The following FAM107B variants were observed in gnomAD, a reference collection of about 807,000 sequenced individuals.
FAM107B encodes the protein protein FAM107B.
Under a neutral mutation model 31.5 loss-of-function variants are expected in FAM107B, and 21 were observed. The ratio of observed to expected loss-of-function variants is 0.67; its 90% CI spans 0.47 to 0.96. The LOEUF is 0.96. Among genes scored for constraint, FAM107B ranks in the 40% least tolerant of loss-of-function variants. FAM107B has a pLI of 0.00. For missense variants in FAM107B, 452 were observed against 377.1 expected (o/e 1.20, Z -1.64); for synonymous variants, 157 against 141.5 (o/e 1.11, Z -0.78).
chr10:14,746,032 C>T (rs140193427), intron 1 of FAM107B, among the ~76,000 whole-genome samples: 1 of 151,976 alleles, frequency 6.6e-6, no homozygotes, highest in East Asian at 1.9e-4. Flanking sequence ...TTGAGTTGAT[C>T]CCTTTACCAC....
rs980342871 is a variant in FAM107B, at chr10:14,663,756, A to C, written c.469+3878T>G. On this transcript the variant is annotated intron_variant, in intron 2 of 4. Coordinates refer to ENST00000181796, the MANE Select transcript of FAM107B (RefSeq NM_031453.4). ...CAATTATCTGAGGGCAGAAGACAGT[A>C]ACAATGGTGGTAAGGACAGAGCACA... 4.1e-4 allele frequency among the ~76,000 whole-genome samples: 62 copies of C among 152,110 alleles called. 1 individual carries two copies. Among genetic ancestry groups the C allele is most frequent in the African/African-American group, 1.4e-3 (59 of 41,400 alleles).
chr10:14,619,049 T>C (rs1303452080), intron 2 of FAM107B, among the ~76,000 whole-genome samples: 1 of 151,966 alleles, frequency 6.6e-6, no homozygotes, highest in Non-Finnish European at 1.5e-5. Context: ...GTACCAGAGG[T>C]TAGAAGACAT....
intron 2 of FAM107B, among the ~76,000 whole-genome samples, chr10:14,570,145 T>C (rs772776323): frequency 8.5e-5 from 13 of 152,230 alleles, no homozygotes; most frequent in South Asian, 2.1e-4. Flanking sequence ...TACAAGGTAA[T>C]TGAGTGTCCT....
intron 2 of FAM107B, among the ~76,000 whole-genome samples, chr10:14,633,194 C>CAA (rs60159128): frequency 2.8e-4 from 35 of 123,744 alleles, no homozygotes; most frequent in African/African-American, 4.8e-4. Flanking sequence ...GACTCTGTCT[C>CAA]AAAAAAAAAA....
chr10:14,696,581 A>T (rs1855271184), intron 1 of FAM107B, among the ~76,000 whole-genome samples: 1 of 152,062 alleles, frequency 6.6e-6, no homozygotes, highest in African/African-American at 2.4e-5. Context: ...TATTGGTATA[A>T]ATTCTTCCTT....
intron 2 of FAM107B, among the ~76,000 whole-genome samples, chr10:14,644,118 T>C (rs1009468343): frequency 2.0e-5 from 3 of 152,208 alleles, no homozygotes; most frequent in African/African-American, 4.8e-5. Context: ...ACTCTGTACA[T>C]AATCCTGTTA....
chr10:14,720,992 C>T (rs1009526962), intron 1 of FAM107B, among the ~76,000 whole-genome samples: 3 of 152,144 alleles, frequency 2.0e-5, no homozygotes, highest in Non-Finnish European at 4.4e-5. Flanking sequence ...TATCCCTCCC[C>T]CAGGCCCCCA....
chr10:14,680,591 G>T (rs895055458), intron 1 of FAM107B, among the ~76,000 whole-genome samples: 1 of 129,692 alleles, frequency 7.7e-6, no homozygotes, highest in South Asian at 2.5e-4. Flanking sequence ...AAAAAAAAAT[G>T]CACAGAGGGA....
At chr10:14,551,482 T>A (rs995853656) in intron 2 of FAM107B, among the ~76,000 whole-genome samples, 1 of 152,158 alleles carries the variant, frequency 6.6e-6, no homozygotes, top group Non-Finnish European at 1.5e-5. Flanking sequence ...AAGATTCCAA[T>A]TATTTGTGAG....
chr10:14,583,012 G>A (rs1017767391), intron 2 of FAM107B, among the ~76,000 whole-genome samples: 9 of 151,504 alleles, frequency 5.9e-5, no homozygotes, highest in Admixed American at 5.3e-4. Flanking sequence ...CTTGAACCCA[G>A]CGGGGTGGAG....
Position 14,582,916 on chromosome 10 carries a change from T to C in FAM107B, c.470-52401A>G, listed in dbSNP as rs528620096. Reference sequence around the variant, plus strand: ...GCCTGGCCAACATGGCAAAACCCCATCTCTACTAAAAATACAAAAATTAGC... The same window carrying C: ...GCCTGGCCAACATGGCAAAACCCCACCTCTACTAAAAATACAAAAATTAGC... On this transcript the variant is annotated intron_variant, in intron 2 of 4. Coordinates refer to ENST00000181796, the MANE Select transcript of FAM107B (RefSeq NM_031453.4). Among the ~76,000 whole-genome samples the C allele has an allele frequency of 1.3e-4, 19 of 151,790 alleles. No homozygotes were observed. In the South Asian group the frequency reaches 3.7e-3, roughly 30 times the overall value.
intron 2 of FAM107B, among the ~76,000 whole-genome samples, chr10:14,607,919 G>T (rs758136074): frequency 3.3e-5 from 5 of 152,036 alleles, no homozygotes; most frequent in African/African-American, 1.2e-4. Context: ...CAACCTACAG[G>T]GTCACCCATA....
chr10:14,555,553 G>A (rs10906696), intron 2 of FAM107B, among the ~76,000 whole-genome samples: 1 of 152,062 alleles, frequency 6.6e-6, no homozygotes, highest in African/African-American at 2.4e-5. Flanking sequence ...TTGTTCCCAC[G>A]CCATTAGCAA....
intron 1 of FAM107B, among the ~76,000 whole-genome samples, chr10:14,729,445 C>T (rs1856112788): frequency 6.6e-6 from 1 of 152,102 alleles, no homozygotes; most frequent in South Asian, 2.1e-4. Flanking sequence ...AGTGGGAATG[C>T]TAATACAAAT....
rs113899632 is a variant in FAM107B, at chr10:14,704,269, CTGTGTG to C, written c.412-36584_412-36579del. 7.4e-5 allele frequency among the ~76,000 whole-genome samples: 11 copies of C among 148,238 alleles called. No individual in the cohort carries two copies. The East Asian group carries it at 1.4e-3, about 19-fold the overall frequency. Reference sequence around the variant, plus strand: ...ATTGTAAAGGTTTAGGTAAATTGCTCTGTGTGTGTGTGTGTGTGTGTGTGTGTGTGT... The same window carrying C: ...ATTGTAAAGGTTTAGGTAAATTGCTCTGTGTGTGTGTGTGTGTGTGTGTGT... On this transcript the variant is annotated intron_variant, in intron 1 of 4. Coordinates refer to ENST00000181796, the MANE Select transcript of FAM107B (RefSeq NM_031453.4).
intron 1 of FAM107B, among the ~76,000 whole-genome samples, chr10:14,709,434 G>A (rs909594555): frequency 1.4e-4 from 22 of 152,292 alleles, no homozygotes; most frequent in African/African-American, 5.1e-4. Flanking sequence ...TACATGGATG[G>A]CAGCAGGCAA....
chr10:14,687,848 C>G (rs749975303), intron 1 of FAM107B, among the ~76,000 whole-genome samples: 2 of 152,186 alleles, frequency 1.3e-5, no homozygotes, highest in Admixed American at 1.3e-4. Context: ...CACACACATA[C>G]GTGCACACAC....
chr10:14,724,976 G>T (rs1202903654), intron 1 of FAM107B, among the ~76,000 whole-genome samples: 1 of 152,206 alleles, frequency 6.6e-6, no homozygotes, highest in African/African-American at 2.4e-5. Flanking sequence ...ACTTCAAAAG[G>T]CTGCAAGGAA....
At chr10:14,639,045 G>A (rs1012203966) in intron 2 of FAM107B, among the ~76,000 whole-genome samples, 1 of 151,892 alleles carries the variant, frequency 6.6e-6, no homozygotes, top group African/African-American at 2.4e-5. Context: ...TAAAAAATTT[G>A]CCAGGCATAG....
Sources: gnomAD v4.1 joint callset for allele counts (sites outside exome capture counted in the v4.1 genomes callset) on GRCh38, gnomAD v4.1.1 for gene constraint, MANE v1.5 for transcripts, NCBI Gene and HGNC (gene_info 2026-07-23, HGNC 2026-07-21) for gene names.